The following DAB1 variants were observed in gnomAD, a reference collection of about 807,000 sequenced individuals.
DAB1 encodes DAB adaptor protein 1, also known as disabled homolog 1.
A neutral mutation model predicts 64.6 loss-of-function variants in DAB1; 15 were observed. The observed-to-expected ratio is 0.23, with a 90% CI of 0.16 to 0.36. The LOEUF (loss-of-function observed/expected upper bound fraction) is 0.36. Among genes scored for constraint, DAB1 ranks in the 10% least tolerant of loss-of-function variants. The pLI is 1.00. For missense variants in DAB1, 596 were observed against 706.7 expected (o/e 0.84, Z 1.78); for synonymous variants, 235 against 251.9 (o/e 0.93, Z 0.64).
intron 5 of DAB1, among the ~76,000 whole-genome samples, chr1:57,969,858 G>A (rs990720290): frequency 3.3e-5 from 5 of 152,072 alleles, no homozygotes; most frequent in Admixed American, 6.6e-5. Context: ...TTTAGATATT[G>A]CTACAGGCTG....
chr1:57,594,278 G>C (rs529936262), intron 7 of DAB1, among the ~76,000 whole-genome samples: 174 of 152,318 alleles, frequency 1.1e-3, no homozygotes, highest in African/African-American at 4.1e-3. Context: ...TGAGGAGAAA[G>C]CACACTCATT....
At chr1:58,405,909 C>T (rs1258837651) in intron 3 of DAB1, among the ~76,000 whole-genome samples, 1 of 152,140 alleles carries the variant, frequency 6.6e-6, no homozygotes, top group Non-Finnish European at 1.5e-5. Context: ...GGGGACTGAC[C>T]GTGTCCCAGG....
chr1:58,297,156 T>C (rs1316064627), intron 4 of DAB1, among the ~76,000 whole-genome samples: 1 of 152,188 alleles, frequency 6.6e-6, no homozygotes. Flanking sequence ...GATTTTTAAA[T>C]GGTAAGCATT....
At chr1:57,621,486 G>A (rs533323395) in intron 7 of DAB1, among the ~76,000 whole-genome samples, 1 of 151,878 alleles carries the variant, frequency 6.6e-6, no homozygotes, top group South Asian at 2.1e-4. Context: ...CAATGCTGGG[G>A]CTTACTCAGG....
Position 57,015,088 on chromosome 1 carries a change from T to C in DAB1, c.1239A>G (p.Glu413=), listed in dbSNP as rs761154253. Reference sequence around the variant, plus strand: ...GGGCCATCTGGAAATCCTTAAACGTTTCTTTGCCCATTTTCTGCCTGGGCT... The same window carrying C: ...GGGCCATCTGGAAATCCTTAAACGTCTCTTTGCCCATTTTCTGCCTGGGCT... The part of the protein sequence containing the change: ...TDKPRQKMGK[E]TFKDFQMAQP... The change falls in exon 12 of 15, where the codon GAA becomes GAG. Residue 413 remains glutamate (E), a synonymous_variant. Transcript: ENST00000371236. 10 of 1,614,168 alleles carry C rather than the reference T, an allele frequency of 6.2e-6. No individual in the cohort carries two copies. The South Asian group carries it at 1.1e-4, about 18-fold the overall frequency.
intron 3 of DAB1, among the ~76,000 whole-genome samples, chr1:58,360,574 C>T (rs1644155638): frequency 6.6e-6 from 1 of 151,950 alleles, no homozygotes; most frequent in East Asian, 1.9e-4. Flanking sequence ...TCTTCCACAA[C>T]CATGGAGCTG....
intron 7 of DAB1, among the ~76,000 whole-genome samples, chr1:57,619,069 C>T (rs1459123909): frequency 6.6e-6 from 1 of 152,154 alleles, no homozygotes; most frequent in African/African-American, 2.4e-5. Flanking sequence ...AAACAATGTG[C>T]TCATTTTGTC....
intron 2 of DAB1, among the ~76,000 whole-genome samples, chr1:58,516,113 T>C (rs1451313583): frequency 3.3e-5 from 5 of 152,330 alleles, no homozygotes; most frequent in South Asian, 2.1e-4. Context: ...CAGGCCACTA[T>C]AGGATATTTA....
At chr1:58,406,415 T>A (rs1221048474) in intron 3 of DAB1, among the ~76,000 whole-genome samples, 1 of 152,226 alleles carries the variant, frequency 6.6e-6, no homozygotes, top group Non-Finnish European at 1.5e-5. Flanking sequence ...GAAATCCTGT[T>A]GAAGTCCCTG....
chr1:57,655,083 T>C (rs1334140571), intron 6 of DAB1, among the ~76,000 whole-genome samples: 2 of 152,220 alleles, frequency 1.3e-5, no homozygotes, highest in Non-Finnish European at 2.9e-5. Context: ...GCTGTATATT[T>C]TGTTCCACTA....
chr1:57,441,315 T>C (rs879678509), intron 7 of DAB1, among the ~76,000 whole-genome samples: 35,349 of 127,760 alleles, frequency 0.28, 4,863 homozygotes, highest in East Asian at 0.45. Flanking sequence ...TCTTTCTTTC[T>C]TTCTTCTTTC....
intron 3 of DAB1, among the ~76,000 whole-genome samples, chr1:58,483,752 C>T (rs76530690): frequency 0.017 from 2,539 of 152,294 alleles, 55 homozygotes; most frequent in East Asian, 0.12. Context: ...GAGATGCTAG[C>T]AAGATTTGCA....
chr1:57,010,817 T>C (rs762474956), intron 13 of DAB1, 27 bp from the exon 14 acceptor site: 2 of 1,490,992 alleles, frequency 1.3e-6, no homozygotes, highest in Admixed American at 4.5e-5. Flanking sequence ...TAATACTTTT[T>C]TTTTTCTCTC....
chr1:57,357,268 T>A (rs1406872904), intron 1 of DAB1, among the ~76,000 whole-genome samples: 3 of 151,908 alleles, frequency 2.0e-5, no homozygotes, highest in Non-Finnish European at 4.4e-5. Flanking sequence ...GTAAAAAAAA[T>A]AATACTGACA....
At chr1:57,586,725 T>C (rs1285797614) in intron 7 of DAB1, among the ~76,000 whole-genome samples, 1 of 151,950 alleles carries the variant, frequency 6.6e-6, no homozygotes, top group African/African-American at 2.4e-5. Context: ...CCTACTTCCA[T>C]TATCCATTGA....
intron 1 of DAB1, among the ~76,000 whole-genome samples, chr1:57,360,516 A>T (rs776964833): frequency 6.6e-6 from 1 of 152,096 alleles, no homozygotes; most frequent in Non-Finnish European, 1.5e-5. Flanking sequence ...CGCCAAAAGG[A>T]GTTTGTGTGT....
intron 2 of DAB1, among the ~76,000 whole-genome samples, chr1:57,167,113 T>C (rs553565147): frequency 6.6e-6 from 1 of 152,324 alleles, no homozygotes; most frequent in Admixed American, 6.5e-5. Flanking sequence ...AGGCTGGGAA[T>C]ATAAGTCTCT....
intron 1 of DAB1, chr1:58,539,088 A>C (rs1319488234): frequency 6.9e-6 from 6 of 872,968 alleles, no homozygotes; most frequent in Non-Finnish European, 1.2e-5. Context: ...TACTATAAAA[A>C]TGAAAGTTTC....
intron 5 of DAB1, among the ~76,000 whole-genome samples, chr1:58,127,425 T>A (rs1397334225): frequency 6.6e-6 from 1 of 151,148 alleles, no homozygotes; most frequent in Admixed American, 6.6e-5. Context: ...TTCACTCTGA[T>A]GGTAGTTTCT....
Sources: gnomAD v4.1 joint callset for allele counts (sites outside exome capture counted in the v4.1 genomes callset) on GRCh38, gnomAD v4.1.1 for gene constraint, MANE v1.5 for transcripts, NCBI Gene and HGNC (gene_info 2026-07-23, HGNC 2026-07-21) for gene names.